Variants in RBM39 observed in about 807,000 individuals in gnomAD.
RBM39 encodes the protein RNA binding motif protein 39.
Under a neutral mutation model 79.6 loss-of-function variants are expected in RBM39, and 12 were observed. The observed-to-expected ratio is 0.15, with a 90% CI of 0.10 to 0.24. The LOEUF (loss-of-function observed/expected upper bound fraction) is 0.24, where lower values mean the gene tolerates loss of function less well. Among genes scored for constraint, RBM39 ranks in the 10% least tolerant of loss-of-function variants. RBM39 has a pLI of 1.00. For missense variants in RBM39, 243 were observed against 653.4 expected, an observed-to-expected ratio of 0.37 and a Z score of 6.85; for synonymous variants, 185 against 208.4, an observed-to-expected ratio of 0.89 and a Z score of 0.97.
intron 11 of RBM39, 138 bp downstream of exon 11, chr20:35,714,047 T>C (rs1447576533): frequency 1.3e-6 from 1 of 754,928 alleles, no homozygotes; most frequent in Non-Finnish European, 2.1e-6. Context: ...ATCTATAAAA[T>C]AATATGCAGT....
intron 8 of RBM39, 143 bp from the exon 9 acceptor site, chr20:35,722,020 A>G: frequency 1.1e-6 from 1 of 903,694 alleles, no homozygotes; most frequent in South Asian, 1.9e-5. Flanking sequence ...TATCAACTTA[A>G]TAGGAGGCAT....
chr20:35,715,253 T>C (rs997845050), intron 10 of RBM39, among the ~76,000 whole-genome samples: 10 of 152,184 alleles, frequency 6.6e-5, no homozygotes, highest in South Asian at 2.1e-4. Context: ...TCTCGGCTCA[T>C]TGCAACCTCT....
intron 13 of RBM39, 117 bp from the exon 14 acceptor site, chr20:35,707,318 G>T: frequency 1.8e-6 from 1 of 544,150 alleles, no homozygotes; most frequent in Non-Finnish European, 3.2e-6. Context: ...TGTCACTGGA[G>T]TTATTTTACC....
chr20:35,711,728 G>A (rs2036443134), intron 12 of RBM39, among the ~76,000 whole-genome samples: 1 of 152,154 alleles, frequency 6.6e-6, no homozygotes, highest in Non-Finnish European at 1.5e-5. Flanking sequence ...ATTGAATATT[G>A]AGCTTTCAAT....
chr20:35,734,871 C>CTAA, intron 3 of RBM39: 1 of 1,511,982 alleles, frequency 6.6e-7, no homozygotes. Context: ...GAAATCCACA[C>CTAA]TAATAGTCAA....
At chr20:35,723,482 A>G (rs1253208999) in intron 8 of RBM39, among the ~76,000 whole-genome samples, 1 of 152,206 alleles carries the variant, frequency 6.6e-6, no homozygotes, top group Non-Finnish European at 1.5e-5. Context: ...CTTGTCGCCC[A>G]GGCTGCAGTG....
At chr20:35,709,000 G>C (rs1352886570) in intron 13 of RBM39, 1 of 413,514 alleles carries the variant, frequency 2.4e-6, no homozygotes, top group African/African-American at 2.1e-5. Context: ...GCAAACTAAA[G>C]CAAAAAAAAA....
intron 4 of RBM39, 107 bp downstream of exon 4, chr20:35,731,834 A>T: frequency 9.7e-7 from 1 of 1,030,064 alleles, no homozygotes; most frequent in Non-Finnish European, 1.5e-6. Context: ...CTTTTTAACC[A>T]ATCATTAAAA....
chr20:35,727,692 C>T (rs1196391495), intron 6 of RBM39, among the ~76,000 whole-genome samples: 1 of 150,692 alleles, frequency 6.6e-6, no homozygotes, highest in African/African-American at 2.5e-5. Flanking sequence ...TCTTGTTGCC[C>T]AGGCTGGAGT....
At chr20:35,718,414 C>G (rs989042743) in intron 9 of RBM39, among the ~76,000 whole-genome samples, 1 of 151,970 alleles carries the variant, frequency 6.6e-6, no homozygotes, top group East Asian at 1.9e-4. Flanking sequence ...AGGCTGGGCT[C>G]GGTGGCTCCC....
chr20:35,704,889 A>T (rs1368350293), intron 15 of RBM39, 143 bp from the exon 16 acceptor site: 2 of 661,170 alleles, frequency 3.0e-6, no homozygotes, highest in Non-Finnish European at 5.2e-6. Flanking sequence ...GCTAATAGGT[A>T]TACTAGAATT....
At position 35,709,233 on chromosome 20, in the gene RBM39, G is replaced by A; in HGVS notation, c.1216C>T (p.Gln406Ter). 1 of 1,608,930 alleles carries A rather than the reference G, an allele frequency of 6.2e-7. No individual in the cohort carries two copies. ...VIDLQTRLSQ[Q>*]TEASALAAAA... ...GAACACTTCAACTCACCTTCAGTCTGCTGGGAAAGTCTTGTTTGCAAATCT... is the reference window on the plus strand; with the variant it reads ...GAACACTTCAACTCACCTTCAGTCTACTGGGAAAGTCTTGTTTGCAAATCT... The change falls in exon 13 of 17, where the codon CAG becomes TAG. Residue 406 changes from glutamine to a stop codon, truncating the protein, a stop_gained. Coordinates refer to ENST00000253363, the MANE Select transcript of RBM39 (RefSeq NM_184234.3). LOFTEE classifies it high-confidence loss of function.
intron 3 of RBM39, among the ~76,000 whole-genome samples, chr20:35,738,227 C>T (rs1399442400): frequency 6.6e-6 from 1 of 151,890 alleles, no homozygotes; most frequent in African/African-American, 2.4e-5. Context: ...CAGACTGCGC[C>T]ACTGCGCTCC....
chr20:35,720,496 A>G (rs2037764388), intron 9 of RBM39, among the ~76,000 whole-genome samples: 1 of 152,012 alleles, frequency 6.6e-6, no homozygotes, highest in Non-Finnish European at 1.5e-5. Flanking sequence ...AATGGAGGCC[A>G]GGTCCAGTGG....
rs35571890 is a variant in RBM39 at position 35,729,851 on chromosome 20, A to G, written c.297-324T>C. ...TATACAGTCTTGAGAATTAAAAAAA[A>G]AAAAACACACACACACATATATAAA... On this transcript the variant is annotated intron_variant, in intron 4 of 16. Coordinates refer to ENST00000253363, the MANE Select transcript of RBM39 (RefSeq NM_184234.3). 5.6e-5 allele frequency among the ~76,000 whole-genome samples: 7 copies of G among 124,144 alleles called. No individual in the cohort carries two copies. The South Asian group carries it at 1.9e-3, about 35-fold the overall frequency. 81.4% of individuals were successfully genotyped at this position (124,144 alleles called of 152,430 possible). A position where few individuals can be genotyped will look rare whatever the true frequency, so the allele number is the denominator to read the frequency against.
chr20:35,727,559 C>T (rs2146653697), intron 6 of RBM39, among the ~76,000 whole-genome samples: 1 of 152,066 alleles, frequency 6.6e-6, no homozygotes, highest in East Asian at 1.9e-4. Flanking sequence ...TACTGCAACC[C>T]TTGCCTCCTG....
intron 3 of RBM39, 37 bp downstream of exon 3, chr20:35,738,931 C>G (rs558425013): frequency 2.5e-6 from 4 of 1,572,200 alleles, no homozygotes; most frequent in South Asian, 1.1e-5. Flanking sequence ...CACAAAAAAG[C>G]TCACCACCCT....
chr20:35,713,388 C>T (rs1213575090), intron 11 of RBM39: 2 of 214,562 alleles, frequency 9.3e-6, no homozygotes, highest in African/African-American at 2.3e-5. Flanking sequence ...TGCAATGGCG[C>T]AATCTCGGCT....
intron 4 of RBM39, 63 bp from the exon 5 acceptor site, chr20:35,729,590 T>C (rs988771459): frequency 1.4e-6 from 2 of 1,432,564 alleles, no homozygotes; most frequent in Non-Finnish European, 2.0e-6. Flanking sequence ...ATCGCATTCA[T>C]GCGCTCTCCA....
Sources: gnomAD v4.1 joint callset for allele counts (sites outside exome capture counted in the v4.1 genomes callset) on GRCh38, gnomAD v4.1.1 for gene constraint, MANE v1.5 for transcripts, NCBI Gene and HGNC (gene_info 2026-07-23, HGNC 2026-07-21) for gene names.